CEP112: variants seen among roughly 807,000 people sequenced by gnomAD.
The protein encoded by CEP112 is centrosomal protein of 112 kDa.
CEP112 carries 127 observed loss-of-function variants against 153.0 expected under a neutral mutation model. The observed-to-expected ratio is 0.83, with a 90% CI of 0.72 to 0.96. CEP112 has a LOEUF of 0.96. CEP112 is among the 40% of genes least tolerant of loss of function. The probability of loss-of-function intolerance (pLI) is 0.00; values close to 1 mark genes in which losing one functional copy is unlikely to be tolerated. For missense variants in CEP112, 1,089 were observed against 1,101.2 expected (o/e 0.99, Z 0.16); for synonymous variants, 358 against 374.4 (o/e 0.96, Z 0.51).
intron 4 of CEP112, among the ~76,000 whole-genome samples, chr17:66,170,954 T>C (rs1598487950): frequency 6.6e-6 from 1 of 152,112 alleles, no homozygotes; most frequent in Non-Finnish European, 1.5e-5. Flanking sequence ...ACTAGCTAAG[T>C]GTTGAAGCTG....
At chr17:65,962,835 T>C (rs2062261533) in intron 17 of CEP112, among the ~76,000 whole-genome samples, 1 of 152,208 alleles carries the variant, frequency 6.6e-6, no homozygotes, top group Non-Finnish European at 1.5e-5. Flanking sequence ...CTCCTTGCCT[T>C]CCGCCATGAT....
intron 20 of CEP112, among the ~76,000 whole-genome samples, chr17:65,893,137 T>C (rs945722561): frequency 6.6e-6 from 1 of 152,064 alleles, no homozygotes; most frequent in Non-Finnish European, 1.5e-5. Context: ...GGCTCTTCTG[T>C]ATCACAGAGC....
At chr17:65,922,469 A>G (rs1181038049) in intron 19 of CEP112, among the ~76,000 whole-genome samples, 1 of 151,296 alleles carries the variant, frequency 6.6e-6, no homozygotes, top group African/African-American at 2.4e-5. Context: ...TTTTTTTCTT[A>G]TTGTGTCTGA....
Position 65,650,629 on chromosome 17 carries a change from C to G in CEP112, c.2698-9564G>C, listed in dbSNP as rs2143589301. On this transcript the variant is annotated intron_variant, in intron 24 of 26. Transcript: ENST00000535342. ...ACCAAATACTGGCCAGGAGCGGTGG[C>G]TCATGCCTGTAATCCCAGCACTTTG... 2.7e-5 allele frequency among the ~76,000 whole-genome samples: 4 copies of G among 150,526 alleles called. No homozygotes were observed. The Middle Eastern group carries it at 0.014, about 523-fold the overall frequency.
intron 17 of CEP112, among the ~76,000 whole-genome samples, chr17:66,001,135 TGGAGCGTCACCCGGCCTCAG>T (rs2064027428): frequency 6.6e-6 from 1 of 152,200 alleles, no homozygotes; most frequent in Non-Finnish European, 1.5e-5. Context: ...TCTCCCACTC[TGGAGCGTCACCCGGCCTCAG>T]GGAGACCTGA....
chr17:65,864,119 C>T (rs1159735709), intron 20 of CEP112, among the ~76,000 whole-genome samples: 12 of 138,606 alleles, frequency 8.7e-5, no homozygotes, highest in Non-Finnish European at 1.3e-4. Context: ...CCAGCCTGGG[C>T]GACAGAGTGA....
At chr17:65,852,842 C>G (rs2058012620) in intron 20 of CEP112, among the ~76,000 whole-genome samples, 1 of 151,908 alleles carries the variant, frequency 6.6e-6, no homozygotes, top group South Asian at 2.1e-4. Flanking sequence ...ATTTTGGATA[C>G]TTAACTCATT....
intron 24 of CEP112, among the ~76,000 whole-genome samples, chr17:65,671,693 A>ATGTG (rs1237983613): frequency 6.6e-6 from 1 of 152,078 alleles, no homozygotes; most frequent in South Asian, 2.1e-4. Flanking sequence ...TTGTGTGTGT[A>ATGTG]TGTGTGTGTG....
intron 20 of CEP112, among the ~76,000 whole-genome samples, chr17:65,881,474 T>C (rs371522932): frequency 5.9e-5 from 9 of 152,108 alleles, no homozygotes; most frequent in African/African-American, 1.9e-4. Context: ...CCATCAGACA[T>C]AGCTTCAAAC....
At position 65,719,358 on chromosome 17, in the gene CEP112, T is replaced by A. The variant is rs2049737341; in HGVS notation, c.2607+23710A>T. 2.6e-5 allele frequency among the ~76,000 whole-genome samples: 4 copies of A among 152,184 alleles called. No individual in the cohort carries two copies. The South Asian group carries it at 8.3e-4, about 32-fold the overall frequency. Reference sequence around the variant, plus strand: ...GGGAGGACCAGGCAGGCAGATCACTTGAGGTCAGGAGTTCCAGACCTGCCT... The same window carrying A: ...GGGAGGACCAGGCAGGCAGATCACTAGAGGTCAGGAGTTCCAGACCTGCCT... On this transcript the variant is annotated intron_variant, in intron 23 of 26. Transcript: ENST00000535342.
intron 20 of CEP112, among the ~76,000 whole-genome samples, chr17:65,880,909 A>G (rs976099366): frequency 2.6e-5 from 4 of 152,210 alleles, no homozygotes; most frequent in Non-Finnish European, 5.9e-5. Flanking sequence ...GAGAAAGCCT[A>G]TAATTATGAT....
chr17:65,950,699 C>CTATTAGTAGTAGTAGTAGTAGTAGTAG (rs57598697), intron 18 of CEP112, among the ~76,000 whole-genome samples: 5 of 147,184 alleles, frequency 3.4e-5, no homozygotes, highest in East Asian at 2.0e-4. Context: ...GGATACATTA[C>CTATTAGTAGTAGTAGTAGTAGTAGTAG]TAGTAGTAGT....
At chr17:66,080,261 C>T (rs1057032536) in intron 8 of CEP112, among the ~76,000 whole-genome samples, 1 of 152,148 alleles carries the variant, frequency 6.6e-6, no homozygotes, top group African/African-American at 2.4e-5. Flanking sequence ...ATCTATCCAT[C>T]TGACAAAGGG....
At chr17:66,144,711 AG>A (rs1452110321) in intron 4 of CEP112, among the ~76,000 whole-genome samples, 2 of 152,182 alleles carry the variant, frequency 1.3e-5, no homozygotes, top group African/African-American at 4.8e-5. Flanking sequence ...AACAAAAAAA[AG>A]GTTCATTATT....
At chr17:66,000,344 C>CTTTTTTTTT (rs35031035) in intron 17 of CEP112, among the ~76,000 whole-genome samples, 1 of 146,904 alleles carries the variant, frequency 6.8e-6, no homozygotes. Context: ...TGCTTTTTTG[C>CTTTTTTTTT]TTTTTTTTTT....
intron 21 of CEP112, among the ~76,000 whole-genome samples, chr17:65,830,218 A>G (rs569129550): frequency 1.3e-5 from 2 of 152,310 alleles, no homozygotes; most frequent in East Asian, 3.9e-4. Context: ...CTATCCAAAG[A>G]CAAGAATACC....
intron 6 of CEP112, among the ~76,000 whole-genome samples, chr17:66,111,894 C>T (rs1319134828): frequency 2.0e-5 from 3 of 152,094 alleles, no homozygotes; most frequent in Non-Finnish European, 2.9e-5. Context: ...TTAAGAACTT[C>T]TCCAAAAAAT....
At chr17:65,704,213 G>C (rs1274880007) in intron 23 of CEP112, among the ~76,000 whole-genome samples, 1 of 152,028 alleles carries the variant, frequency 6.6e-6, no homozygotes, top group Admixed American at 6.5e-5. Context: ...GACAAGGAAG[G>C]ATTCCTCCCT....
intron 12 of CEP112, among the ~76,000 whole-genome samples, chr17:66,052,847 C>T (rs1414484042): frequency 6.6e-6 from 1 of 152,184 alleles, no homozygotes; most frequent in Non-Finnish European, 1.5e-5. Flanking sequence ...TTGATCATGA[C>T]TGTAATCCCA....
Sources: gnomAD v4.1 joint callset for allele counts (sites outside exome capture counted in the v4.1 genomes callset) on GRCh38, gnomAD v4.1.1 for gene constraint, MANE v1.5 for transcripts, NCBI Gene and HGNC (gene_info 2026-07-23, HGNC 2026-07-21) for gene names.